The following LIMS1 variants were observed in gnomAD, a reference collection of about 807,000 sequenced individuals.
LIMS1 encodes the protein LIM and senescent cell antigen-like-containing domain protein 1.
Under a neutral mutation model 44.1 loss-of-function variants are expected in LIMS1, and 18 were observed. The ratio of observed to expected loss-of-function variants is 0.41; its 90% CI spans 0.28 to 0.61. The LOEUF is 0.61. Ranked by LOEUF, LIMS1 falls within the 20% of genes least tolerant of loss-of-function variation. The probability of loss-of-function intolerance (pLI) is 0.32; values close to 1 mark genes in which losing one functional copy is unlikely to be tolerated. For synonymous variants in LIMS1, 93 were observed against 149.1 expected (o/e 0.62, Z 2.74); for missense variants, 201 against 422.0 (o/e 0.48, Z 4.59).
intron 1 of LIMS1, among the ~76,000 whole-genome samples, chr2:108,570,215 G>A (rs1185455042): frequency 1.3e-5 from 2 of 152,128 alleles, no homozygotes; most frequent in Non-Finnish European, 2.9e-5. Flanking sequence ...CAGATCACTT[G>A]AGGTTAGGAG....
intron 2 of LIMS1, among the ~76,000 whole-genome samples, chr2:108,667,786 C>T (rs1273380636): frequency 1.3e-5 from 2 of 151,834 alleles, no homozygotes; most frequent in Admixed American, 1.3e-4. Flanking sequence ...GCTCAAGTCC[C>T]TGATATAAAA....
intron 1 of LIMS1, among the ~76,000 whole-genome samples, chr2:108,585,803 GCCTTCTGGATTT>G (rs779767298): frequency 2.2e-4 from 33 of 152,170 alleles, no homozygotes; most frequent in Non-Finnish European, 4.0e-4. Context: ...ACTGAAAAAT[GCCTTCTGGATTT>G]GGCTTTTAAG....
chr2:108,632,353 T>A (rs373177868), intron 1 of LIMS1, among the ~76,000 whole-genome samples: 2 of 152,230 alleles, frequency 1.3e-5, no homozygotes, highest in East Asian at 1.9e-4. Flanking sequence ...CTAAGTACCT[T>A]GTGTCAGTGA....
chr2:108,621,127 T>TCCCCAAGGTGCGAGGCCCAGA, intron 1 of LIMS1: 1 of 575,980 alleles, frequency 1.7e-6, no homozygotes, highest in Non-Finnish European at 2.8e-6. Context: ...GCTTCCCCCC[T>TCCCCAAGGTGCGAGGCCCAGA]CCCCAAGGTG....
intron 2 of LIMS1, among the ~76,000 whole-genome samples, chr2:108,668,728 A>T (rs1374913151): frequency 6.6e-6 from 1 of 152,230 alleles, no homozygotes; most frequent in Non-Finnish European, 1.5e-5. Flanking sequence ...ATATATTCCC[A>T]GTAGTGAGAT....
chr2:108,535,672 G>A (rs1684110208), intron 1 of LIMS1, among the ~76,000 whole-genome samples: 2 of 152,188 alleles, frequency 1.3e-5, no homozygotes, highest in Non-Finnish European at 2.9e-5. Context: ...GTTAAAAGCC[G>A]TCAGATACAA....
chr2:108,609,369 C>A lies in LIMS1; in HGVS notation c.33-50236C>A, dbSNP rs1463249614. ...TTGTCTCCAGGATTGCACCCCTCCCCACCCGGAATTCTAACCTTGTGTGGC... is the reference window on the plus strand; with the variant it reads ...TTGTCTCCAGGATTGCACCCCTCCCAACCCGGAATTCTAACCTTGTGTGGC... On this transcript the variant is annotated intron_variant, in intron 1 of 9. Transcript: ENST00000544547. Among the ~76,000 whole-genome samples the A allele has an allele frequency of 3.9e-5, 6 of 152,156 alleles. 1 individual carries two copies. Among genetic ancestry groups the A allele is most frequent in the Non-Finnish European group, 1.5e-5 (1 of 68,032 alleles).
intron 8 of LIMS1, among the ~76,000 whole-genome samples, chr2:108,678,241 C>T (rs1479429644): frequency 3.3e-5 from 5 of 152,198 alleles, no homozygotes; most frequent in Non-Finnish European, 5.9e-5. Context: ...TACTTTCGGC[C>T]ACTGCTGCAG....
At chr2:108,548,060 G>A (rs893179620) in intron 1 of LIMS1, among the ~76,000 whole-genome samples, 3 of 152,150 alleles carry the variant, frequency 2.0e-5, no homozygotes, top group African/African-American at 7.2e-5. Flanking sequence ...TTTGTGACTA[G>A]CCCCATGAAA....
intron 1 of LIMS1, among the ~76,000 whole-genome samples, chr2:108,567,071 A>G (rs1685317306): frequency 1.3e-5 from 2 of 152,208 alleles, no homozygotes; most frequent in Admixed American, 1.3e-4. Context: ...CAATGTCTAT[A>G]AATTTGAATA....
In LIMS1 at chr2:108,626,433, A is replaced by C. The variant is rs530260147; in HGVS notation, c.33-33172A>C. 2.0e-5 allele frequency among the ~76,000 whole-genome samples: 3 copies of C among 152,312 alleles called. No homozygotes were observed. The East Asian group carries it at 5.8e-4, about 29-fold the overall frequency. ...AAACCACTTGCTAGTGTTGCTTTTT[A>C]AAAGTTCATAGTGCTTACTCCTATA... On this transcript the variant is annotated intron_variant, in intron 1 of 9. Coordinates refer to ENST00000544547, the Ensembl canonical transcript of LIMS1.
At chr2:108,595,332 G>C (rs963775549) in intron 1 of LIMS1, among the ~76,000 whole-genome samples, 11 of 152,098 alleles carry the variant, frequency 7.2e-5, no homozygotes, top group African/African-American at 2.7e-4. Context: ...AGATGAGGAG[G>C]TGTAATGTGT....
intron 1 of LIMS1, among the ~76,000 whole-genome samples, chr2:108,608,836 C>A (rs919755858): frequency 3.9e-5 from 6 of 152,082 alleles, no homozygotes; most frequent in Non-Finnish European, 8.8e-5. Context: ...AATAGGGATA[C>A]CGCTCATTTC....
chr2:108,621,796 T>C (rs141589727), intron 1 of LIMS1, among the ~76,000 whole-genome samples: 111 of 152,306 alleles, frequency 7.3e-4, no homozygotes, highest in African/African-American at 2.5e-3. Flanking sequence ...GAGTTTTCTT[T>C]GGCTGATTGG....
At chr2:108,663,961 T>G (rs1691566972) in intron 2 of LIMS1, among the ~76,000 whole-genome samples, 1 of 151,812 alleles carries the variant, frequency 6.6e-6, no homozygotes, top group Non-Finnish European at 1.5e-5. Context: ...TCCATGTTGG[T>G]CAGGCTGGTC....
chr2:108,656,318 T>TATAG (rs61527656), intron 1 of LIMS1, among the ~76,000 whole-genome samples: 9,491 of 83,566 alleles, frequency 0.11, 343 homozygotes, highest in South Asian at 0.14. Context: ...TCTATCTATC[T>TATAG]ATAGATAGAT....
upstream of LIMS1, chr2:108,534,238 C>A (rs953421299): frequency 1.4e-4 from 22 of 160,832 alleles, no homozygotes; most frequent in African/African-American, 5.3e-4. Context: ...GCCCGAGCCA[C>A]GGGTTGGGGC....
chr2:108,601,530 G>T (rs1687015509), intron 1 of LIMS1, among the ~76,000 whole-genome samples: 1 of 152,240 alleles, frequency 6.6e-6, no homozygotes, highest in South Asian at 2.1e-4. Context: ...TGTAAGAATA[G>T]ATTGAAATAG....
intron 1 of LIMS1, among the ~76,000 whole-genome samples, chr2:108,600,576 C>G (rs1686952304): frequency 6.6e-6 from 1 of 152,148 alleles, no homozygotes; most frequent in Non-Finnish European, 1.5e-5. Flanking sequence ...TAGTTTCATT[C>G]TTCTGCATTA....
Sources: allele counts gnomAD v4.1 joint callset (sites outside exome capture counted in the v4.1 genomes callset), GRCh38; gene constraint gnomAD v4.1.1; transcripts MANE v1.5; gene names NCBI Gene and HGNC (gene_info 2026-07-23, HGNC 2026-07-21).